Variants in ASPHD1 observed in about 807,000 individuals in gnomAD.
The protein encoded by ASPHD1 is aspartate beta-hydroxylase domain-containing protein 1.
A neutral mutation model predicts 28.3 loss-of-function variants in ASPHD1; 20 were observed. The observed-to-expected ratio is 0.71, with a 90% CI of 0.50 to 1.03. The LOEUF (loss-of-function observed/expected upper bound fraction) is 1.03. Ranked by LOEUF, ASPHD1 falls within the 50% of genes least tolerant of loss-of-function variation. ASPHD1 has a pLI of 0.00. For missense variants in ASPHD1, 479 were observed against 524.1 expected (o/e 0.91, Z 0.84); for synonymous variants, 240 against 221.2 (o/e 1.08, Z -0.75).
chr16:29,911,439 C>T (rs2068707517), intron 3 of ASPHD1: 1 of 559,946 alleles, frequency 1.8e-6, no homozygotes, highest in Middle Eastern at 4.7e-4. Flanking sequence ...CCTGGTGTCC[C>T]CATTTTTTAA....
chr16:29,901,613 G>A lies in ASPHD1; in HGVS notation c.642G>A (p.Glu214=), dbSNP rs1475687373. The change falls in exon 1 of 3, where the codon GAG becomes GAA. Residue 214 remains glutamate (E), a synonymous_variant. Transcript: ENST00000308748. The surrounding 1 kb of genome is among the most constrained non-coding windows in gnomAD (Gnocchi z 5.1). ...AGCGGCACGACGTGGAGCTCCTGGA[G>A]AGCAGCTTCCCTGCCATTTTGCGGG... ...DAQRHDVELL[E]SSFPAILRDF... The A allele has an allele frequency of 2.6e-6, 4 of 1,559,324 alleles. No homozygotes were observed. Among genetic ancestry groups the A allele is most frequent in the Non-Finnish European group, 2.6e-6 (3 of 1,161,662 alleles).
At chr16:29,907,111 G>A, downstream of ASPHD1, 1 of 1,596,488 alleles carries the variant, frequency 6.3e-7, no homozygotes, top group Non-Finnish European at 8.6e-7. Flanking sequence ...AATTCCACCT[G>A]CAAAAGGCCA....
downstream of ASPHD1, among the ~76,000 whole-genome samples, chr16:29,908,381 TTTTTA>T (rs1461785560): frequency 6.6e-6 from 1 of 151,992 alleles, no homozygotes; most frequent in African/African-American, 2.4e-5. Context: ...TAATTTTTTA[TTTTTA>T]TTTTTTATTT....
chr16:29,910,628 G>A (rs2068691057), downstream of ASPHD1, among the ~76,000 whole-genome samples: 1 of 152,092 alleles, frequency 6.6e-6, no homozygotes. Context: ...CAGAGTCCTG[G>A]GGTTACAGGC....
At position 29,905,902 on chromosome 16, in the gene ASPHD1, A is replaced by C; in HGVS notation, c.*5A>C. On this transcript the variant is annotated 3_prime_UTR_variant, in exon 3 of 3. Transcript: ENST00000308748. ...GTCTTCGCCCCAGACCCTTGAAGGA[A>C]GGTGCTCCCTTCACACACCCAGGCT... The C allele has an allele frequency of 6.5e-7, 1 of 1,532,186 alleles. No individual in the cohort carries two copies. The highest frequency in any genetic ancestry group is 1.1e-5 in the South Asian group (1 of 89,738). 94.9% of individuals were successfully genotyped at this position (1,532,186 alleles called of 1,614,324 possible).
At chr16:29,910,863 G>T, downstream of ASPHD1, 1 of 916,342 alleles carries the variant, frequency 1.1e-6, no homozygotes, top group Non-Finnish European at 1.7e-6. Context: ...CCAGACCCCA[G>T]GATCTGGCTC....
In ASPHD1 at chr16:29,900,884, G is replaced by A. The variant is rs1597001691; in HGVS notation, c.-88G>A. The A allele has an allele frequency of 8.5e-6, 10 of 1,176,738 alleles. No individual in the cohort carries two copies. The East Asian group carries it at 2.3e-4, about 27-fold the overall frequency. 72.9% of individuals were successfully genotyped at this position (1,176,738 alleles called of 1,614,324 possible). A position where few individuals can be genotyped will look rare whatever the true frequency, so the allele number is the denominator to read the frequency against. ...GAGGCTGCTGGAAGGAGAAAGAAGA[G>A]GGTGAGGAGGCGACAGAGGGAGAGG... is the stretch of plus-strand genomic sequence containing the variant. On this transcript the variant is annotated 5_prime_UTR_variant, in exon 1 of 3. Transcript: ENST00000308748.
chr16:29,909,175 G>A (rs1263255161), downstream of ASPHD1, among the ~76,000 whole-genome samples: 1 of 152,138 alleles, frequency 6.6e-6, no homozygotes, highest in Non-Finnish European at 1.5e-5. Flanking sequence ...CCTCGCTGCT[G>A]ATGCAAACCC....
At position 29,915,625 on chromosome 16, in the gene ASPHD1, G is replaced by C. The variant is rs560939567; in HGVS notation, c.*63-3906G>C. On this transcript the variant is annotated intron_variant and NMD_transcript_variant, in intron 3 of 3. Transcript: ENST00000414952. Reference sequence around the variant, plus strand: ...TATCTCAAAAAAAAAAAAAAGAAAAGAAAAAGAAAAAAGAAAATCTCTGCA... The same window carrying C: ...TATCTCAAAAAAAAAAAAAAGAAAACAAAAAGAAAAAAGAAAATCTCTGCA... 1.1e-3 allele frequency among the ~76,000 whole-genome samples: 163 copies of C among 150,918 alleles called. 1 individual carries two copies. The highest frequency in any genetic ancestry group is 1.7e-3 in the Non-Finnish European group (116 of 67,658).
chr16:29,905,975 T>G lies in ASPHD1; in HGVS notation c.*78T>G. 2.5e-6 allele frequency: 2 copies of G among 815,376 alleles called. No individual in the cohort carries two copies. The highest frequency in any genetic ancestry group is 3.9e-6 in the Non-Finnish European group (2 of 516,396). The allele number at this position is 815,376 out of a possible 1,614,324, so 50.5% of individuals were successfully genotyped here. On this transcript the variant is annotated 3_prime_UTR_variant, in exon 3 of 3. Transcript: ENST00000308748. ...CGGCTTGATGGTAGCCAGGACCTCC[T>G]CTCTACTGCGGGGGTGGGCGGGGGC... is the stretch of plus-strand genomic sequence containing the variant.
chr16:29,906,862 G>A (rs2068621885), downstream of ASPHD1: 2 of 1,608,898 alleles, frequency 1.2e-6, no homozygotes, highest in Non-Finnish European at 1.7e-6. Flanking sequence ...GGCAGGGGGA[G>A]GGTCAGAGGT....
chr16:29,902,756 C>G (rs1279502137), intron 1 of ASPHD1, among the ~76,000 whole-genome samples: 1 of 152,052 alleles, frequency 6.6e-6, no homozygotes, highest in African/African-American at 2.4e-5. Context: ...ACCTCGTGAT[C>G]AATCCGCCTC....
intron 1 of ASPHD1, 58 bp from the exon 2 acceptor site, chr16:29,904,794 C>A: frequency 8.3e-7 from 1 of 1,198,054 alleles, no homozygotes; most frequent in South Asian, 1.3e-5. Context: ...ATTGACTGGC[C>A]AGGATGGGCC....
rs773925848 is a variant in ASPHD1, at chr16:29,901,503, G to A, written c.532G>A (p.Gly178Arg). The A allele has an allele frequency of 6.3e-7, 1 of 1,599,056 alleles. No homozygotes were observed. The highest frequency in any genetic ancestry group is 1.7e-5 in the Admixed American group (1 of 58,246). ...AAQGGPGPGR[G>R]PGVLGIQRPG... ...TCAGGGTGGCCCAGGCCCTGGGAGA[G>A]GGCCAGGGGTCCTAGGTATTCAGCG... The change falls in exon 1 of 3, where the codon GGG becomes AGG. Residue 178 changes from glycine (G) to arginine (R), a missense_variant. Transcript: ENST00000308748. The surrounding 1 kb of genome is among the most constrained non-coding windows in gnomAD (Gnocchi z 5.1).
chr16:29,906,569 A>G (rs1350188342), downstream of ASPHD1: 2 of 527,112 alleles, frequency 3.8e-6, no homozygotes, highest in African/African-American at 3.8e-5. Flanking sequence ...ACGATGCACT[A>G]AAAAAAGAGA....
Position 29,901,626 on chromosome 16 carries a change from G to A in ASPHD1, c.655G>A (p.Ala219Thr). ...GGAGCTCCTGGAGAGCAGCTTCCCTGCCATTTTGCGGGACTTCGGGGCTGT... is the reference window on the plus strand; with the variant it reads ...GGAGCTCCTGGAGAGCAGCTTCCCTACCATTTTGCGGGACTTCGGGGCTGT... ...DVELLESSFP[A>T]ILRDFGAVSW... Residue 219 changes from alanine to threonine, a missense_variant, in exon 1 of 3, where the codon GCC becomes ACC. Physicochemically the swap from Ala to Thr is moderately conservative, Grantham distance 58 (BLOSUM62 0). Coordinates refer to ENST00000308748, the MANE Select transcript of ASPHD1 (RefSeq NM_181718.4). This position sits in a 1 kb window ranked among gnomAD's most constrained non-coding sequence, Gnocchi z 5.1. 1 of 1,564,780 alleles carries A rather than the reference G, an allele frequency of 6.4e-7. No homozygotes were observed.
chr16:29,900,876 A>C lies in ASPHD1; in HGVS notation c.-96A>C. 9.1e-7 allele frequency: 1 copy of C among 1,101,222 alleles called. No homozygotes were observed. The highest frequency in any genetic ancestry group is 2.6e-5 in the East Asian group (1 of 38,646). The allele number at this position is 1,101,222 out of a possible 1,614,324, so 68.2% of individuals were successfully genotyped here. ...AGAGAGAGGAGGCTGCTGGAAGGAGAAAGAAGAGGGTGAGGAGGCGACAGA... is the reference window on the plus strand; with the variant it reads ...AGAGAGAGGAGGCTGCTGGAAGGAGCAAGAAGAGGGTGAGGAGGCGACAGA... On this transcript the variant is annotated 5_prime_UTR_variant, in exon 1 of 3. Coordinates refer to ENST00000308748, the MANE Select transcript of ASPHD1 (RefSeq NM_181718.4).
downstream of ASPHD1, among the ~76,000 whole-genome samples, chr16:29,907,989 AAAAG>A (rs2150832262): frequency 6.6e-6 from 1 of 151,922 alleles, no homozygotes; most frequent in South Asian, 2.1e-4. Flanking sequence ...TAAAAAAAAA[AAAAG>A]AGAGAGAGAG....
chr16:29,902,297 C>T (rs1369300116), intron 1 of ASPHD1, among the ~76,000 whole-genome samples: 1 of 152,226 alleles, frequency 6.6e-6, no homozygotes, highest in African/African-American at 2.4e-5. Context: ...GGCGCGGTGG[C>T]CCATGCCTAT....
Sources: gnomAD v4.1 joint callset for allele counts (sites outside exome capture counted in the v4.1 genomes callset) on GRCh38, gnomAD v4.1.1 for gene constraint, Gnocchi (gnomAD v3.1) non-coding constraint, MANE v1.5 for transcripts, NCBI Gene and HGNC (gene_info 2026-07-23, HGNC 2026-07-21) for gene names.